CTNNA2: variants seen among roughly 807,000 people sequenced by gnomAD.
CTNNA2 encodes the protein catenin alpha-2.
A neutral mutation model predicts 101.0 loss-of-function variants in CTNNA2; 42 were observed. The ratio of observed to expected loss-of-function variants is 0.42; its 90% CI spans 0.32 to 0.54. The LOEUF (loss-of-function observed/expected upper bound fraction) is 0.54. Ranked by LOEUF, CTNNA2 falls within the 20% of genes least tolerant of loss-of-function variation. The probability of loss-of-function intolerance (pLI) is 0.14; values close to 1 mark genes in which losing one functional copy is unlikely to be tolerated. For synonymous variants in CTNNA2, 450 were observed against 456.4 expected, an observed-to-expected ratio of 0.99 and a Z score of 0.18; for missense variants, 871 against 1,223.1, an observed-to-expected ratio of 0.71 and a Z score of 4.29.
At chr2:79,796,394 C>CAA (rs386390569) in intron 3 of CTNNA2, among the ~76,000 whole-genome samples, 40,696 of 94,312 alleles carry the variant, frequency 0.43, 8,336 homozygotes, top group African/African-American at 0.59. Context: ...GACTCCGTCT[C>CAA]AAAAAAAAAA....
At chr2:79,958,457 G>T (rs1227478086) in intron 7 of CTNNA2, among the ~76,000 whole-genome samples, 1 of 152,178 alleles carries the variant, frequency 6.6e-6, no homozygotes, top group Non-Finnish European at 1.5e-5. Context: ...AGGCAGAAAA[G>T]GAGGTCAGAG....
At chr2:79,818,749 G>T (rs1375086012) in intron 3 of CTNNA2, among the ~76,000 whole-genome samples, 2 of 145,780 alleles carry the variant, frequency 1.4e-5, no homozygotes, top group Admixed American at 1.4e-4. Context: ...TTTTTCTGTT[G>T]TTTTTATTTT....
intron 1 of CTNNA2, among the ~76,000 whole-genome samples, chr2:79,550,748 G>A (rs776708905): frequency 4.6e-5 from 7 of 152,142 alleles, no homozygotes; most frequent in Non-Finnish European, 8.8e-5. Flanking sequence ...CTATGTTCCA[G>A]TAGGACTGCA....
At chr2:80,487,102 C>G (rs1686649533) in intron 9 of CTNNA2, among the ~76,000 whole-genome samples, 1 of 151,546 alleles carries the variant, frequency 6.6e-6, no homozygotes, top group Non-Finnish European at 1.5e-5. Context: ...TGACCTTTAC[C>G]AAACCCCGTC....
chr2:80,280,594 C>G (rs1674300626), intron 7 of CTNNA2, among the ~76,000 whole-genome samples: 1 of 152,026 alleles, frequency 6.6e-6, no homozygotes, highest in Non-Finnish European at 1.5e-5. Flanking sequence ...GCAAAGGACT[C>G]TCAGATAATC....
intron 3 of CTNNA2, among the ~76,000 whole-genome samples, chr2:79,847,634 C>A (rs1242222384): frequency 6.7e-6 from 1 of 148,962 alleles, no homozygotes; most frequent in Non-Finnish European, 1.5e-5. Context: ...AGAGGTCACA[C>A]CTGGATTTTG....
intron 4 of CTNNA2, among the ~76,000 whole-genome samples, chr2:79,376,690 G>A (rs1286479570): frequency 6.6e-6 from 1 of 151,996 alleles, no homozygotes; most frequent in Non-Finnish European, 1.5e-5. Flanking sequence ...CTGTGTCCAT[G>A]TGTTCTCATT....
chr2:80,037,085 C>T (rs185370964), intron 7 of CTNNA2, among the ~76,000 whole-genome samples: 12 of 152,188 alleles, frequency 7.9e-5, no homozygotes, highest in South Asian at 4.1e-4. Context: ...GTCAAAGATA[C>T]GAATATGAGG....
At chr2:79,657,598 A>G (rs889047024) in intron 2 of CTNNA2, among the ~76,000 whole-genome samples, 10 of 151,970 alleles carry the variant, frequency 6.6e-5, no homozygotes, top group Admixed American at 6.6e-4. Context: ...TTTAACATTA[A>G]AAGTTTAAGT....
intron 9 of CTNNA2, among the ~76,000 whole-genome samples, chr2:80,442,669 T>A (rs1682699536): frequency 6.6e-6 from 1 of 152,184 alleles, no homozygotes; most frequent in Non-Finnish European, 1.5e-5. Flanking sequence ...CTGTTTCCTG[T>A]ATGTTAAATG....
At chr2:79,564,593 T>C (rs1316496441) in intron 1 of CTNNA2, among the ~76,000 whole-genome samples, 1 of 152,222 alleles carries the variant, frequency 6.6e-6, no homozygotes, top group East Asian at 1.9e-4. Context: ...TTGAATTCCA[T>C]GGCATAAAAA....
chr2:80,105,473 C>G (rs1700823722), intron 7 of CTNNA2, among the ~76,000 whole-genome samples: 1 of 152,164 alleles, frequency 6.6e-6, no homozygotes, highest in African/African-American at 2.4e-5. Context: ...CGTATAATCT[C>G]AACACTTTGA....
intron 1 of CTNNA2, among the ~76,000 whole-genome samples, chr2:79,645,088 T>C (rs377134576): frequency 6.6e-6 from 1 of 152,046 alleles, no homozygotes; most frequent in African/African-American, 2.4e-5. Flanking sequence ...GCTCAGGCCA[T>C]CTTCCCACCT....
At chr2:80,555,571 G>A (rs1312277894) in intron 11 of CTNNA2, 122 bp from the exon 12 acceptor site, 2 of 484,702 alleles carry the variant, frequency 4.1e-6, no homozygotes, top group African/African-American at 4.0e-5. Context: ...TACAATTTTA[G>A]TATTATTAGG....
chr2:80,295,140 C>G (rs1675628922), intron 7 of CTNNA2, among the ~76,000 whole-genome samples: 2 of 152,024 alleles, frequency 1.3e-5, no homozygotes, highest in South Asian at 4.2e-4. Context: ...ATCCCATACC[C>G]CATTTTACTA....
At chr2:79,317,209 T>C (rs968057852) in intron 3 of CTNNA2, among the ~76,000 whole-genome samples, 6 of 152,026 alleles carry the variant, frequency 3.9e-5, no homozygotes, top group Admixed American at 6.6e-5. Context: ...GTGCATTCCA[T>C]AAAATGATTT....
chr2:80,217,763 C>A (rs1708353290), intron 7 of CTNNA2, among the ~76,000 whole-genome samples: 1 of 152,178 alleles, frequency 6.6e-6, no homozygotes, highest in African/African-American at 2.4e-5. Flanking sequence ...AGGCTAGTAG[C>A]AGATAATAGC....
intron 3 of CTNNA2, among the ~76,000 whole-genome samples, chr2:79,329,590 C>A (rs1009589911): frequency 2.0e-5 from 3 of 152,070 alleles, no homozygotes; most frequent in African/African-American, 7.2e-5. Context: ...ACAGGATGCC[C>A]AGTATCTGTC....
intron 15 of CTNNA2, among the ~76,000 whole-genome samples, chr2:80,597,757 AACC>A (rs1207276774): frequency 2.6e-5 from 4 of 152,226 alleles, no homozygotes; most frequent in Non-Finnish European, 4.4e-5. Context: ...TGCAATTCAA[AACC>A]ACAATGAGAT....
Sources: gnomAD v4.1 joint callset for allele counts (sites outside exome capture counted in the v4.1 genomes callset) on GRCh38, gnomAD v4.1.1 for gene constraint, MANE v1.5 for transcripts, NCBI Gene and HGNC (gene_info 2026-07-23, HGNC 2026-07-21) for gene names.